Variants in BMPR1B observed in about 807,000 individuals in gnomAD.
BMPR1B encodes the protein bone morphogenetic protein receptor type-1B.
A neutral mutation model predicts 59.1 loss-of-function variants in BMPR1B; 12 were observed. The observed-to-expected ratio is 0.20, with a 90% CI of 0.13 to 0.33. The LOEUF (loss-of-function observed/expected upper bound fraction) is 0.33, where lower values mean the gene tolerates loss of function less well. Among genes scored for constraint, BMPR1B ranks in the 10% least tolerant of loss-of-function variants. The pLI, the probability that BMPR1B is intolerant of heterozygous loss-of-function variation, is 1.00. For synonymous variants in BMPR1B, 237 were observed against 207.3 expected (o/e 1.14, Z -1.23); for missense variants, 550 against 610.9 (o/e 0.90, Z 1.05).
intron 4 of BMPR1B, among the ~76,000 whole-genome samples, chr4:95,113,562 C>T (rs754735093): frequency 6.6e-6 from 1 of 152,096 alleles, no homozygotes; most frequent in Non-Finnish European, 1.5e-5. Context: ...GGACGCTGAG[C>T]ATGCATATAT....
At chr4:95,025,815 T>A (rs1724314176) in intron 3 of BMPR1B, among the ~76,000 whole-genome samples, 1 of 152,234 alleles carries the variant, frequency 6.6e-6, no homozygotes, top group Non-Finnish European at 1.5e-5. Context: ...AATGGTTTTT[T>A]AATATCTGTT....
intron 2 of BMPR1B, among the ~76,000 whole-genome samples, chr4:94,901,771 C>G (rs570589198): frequency 6.6e-6 from 1 of 152,012 alleles, no homozygotes; most frequent in Non-Finnish European, 1.5e-5. Context: ...CGACAGTTCC[C>G]TGTAAAGCAG....
intron 2 of BMPR1B, among the ~76,000 whole-genome samples, chr4:94,968,947 A>T (rs1266396533): frequency 2.0e-5 from 3 of 152,038 alleles, no homozygotes; most frequent in Non-Finnish European, 4.4e-5. Context: ...TTTTCTATTC[A>T]CAATTCCCAG....
chr4:94,933,288 G>A (rs1729164696), intron 2 of BMPR1B, among the ~76,000 whole-genome samples: 1 of 151,796 alleles, frequency 6.6e-6, no homozygotes, highest in Non-Finnish European at 1.5e-5. Flanking sequence ...TTATATCATA[G>A]TTTATTTAAC....
intron 3 of BMPR1B, among the ~76,000 whole-genome samples, chr4:95,017,206 T>C (rs925445280): frequency 6.6e-6 from 1 of 152,194 alleles, no homozygotes; most frequent in Non-Finnish European, 1.5e-5. Context: ...TGCAAGCAGC[T>C]CTCTTTCCTG....
chr4:94,979,135 G>A (rs988392724), intron 2 of BMPR1B, among the ~76,000 whole-genome samples: 4 of 151,978 alleles, frequency 2.6e-5, no homozygotes, highest in African/African-American at 4.8e-5. Context: ...TACCTCCCAC[G>A]GGGTCCCTTC....
intron 1 of BMPR1B, among the ~76,000 whole-genome samples, chr4:94,766,909 G>C (rs1464568221): frequency 6.6e-6 from 1 of 152,062 alleles, no homozygotes; most frequent in Non-Finnish European, 1.5e-5. Context: ...TCTGTGGCCA[G>C]AGACAATATG....
chr4:94,835,187 A>G (rs1332615790), intron 1 of BMPR1B, among the ~76,000 whole-genome samples: 1 of 151,990 alleles, frequency 6.6e-6, no homozygotes, highest in Non-Finnish European at 1.5e-5. Context: ...AAATAAATTA[A>G]TATTTACTGA....
At position 94,853,776 on chromosome 4, in the gene BMPR1B, C is replaced by T. The variant is rs369719120; in HGVS notation, c.-182-22055C>T. Among the ~76,000 whole-genome samples, 28 of 152,152 alleles carry T rather than the reference C, an allele frequency of 1.8e-4. No individual in the cohort carries two copies. In the South Asian group the frequency reaches 4.4e-3, roughly 24 times the overall value. On this transcript the variant is annotated intron_variant, in intron 1 of 12. Coordinates refer to ENST00000515059, the MANE Select transcript of BMPR1B (RefSeq NM_001203.3). ...ATTTCTCCAAATCACTGCAAAAGCA[C>T]TAAACCTGAAGATTGAATTCTGTAT...
In BMPR1B at chr4:94,760,108, T is replaced by C. The variant is rs536138372; in HGVS notation, c.-183+2040T>C. Among the ~76,000 whole-genome samples the C allele has an allele frequency of 3.9e-4, 60 of 152,346 alleles. 1 individual carries two copies. Among genetic ancestry groups the C allele is most frequent in the African/African-American group, 9.6e-4 (40 of 41,582 alleles). ...GGCCGCTGATGAATTTTAATGGCAC[T>C]GATTTGTGTTTTTAAATCAAAATGT... On this transcript the variant is annotated intron_variant, in intron 1 of 12. Transcript: ENST00000515059.
intron 1 of BMPR1B, among the ~76,000 whole-genome samples, chr4:94,853,799 T>A (rs1238723247): frequency 2.0e-5 from 3 of 152,138 alleles, no homozygotes; most frequent in Admixed American, 2.0e-4. Flanking sequence ...TTGAATTCTG[T>A]ATGAATTCAA....
intron 2 of BMPR1B, among the ~76,000 whole-genome samples, chr4:94,876,436 T>C (rs567401737): frequency 6.6e-6 from 1 of 152,314 alleles, no homozygotes; most frequent in African/African-American, 2.4e-5. Flanking sequence ...GGAGACTCTT[T>C]TCTAAGCATT....
At chr4:94,860,828 T>A (rs145210598) in intron 1 of BMPR1B, among the ~76,000 whole-genome samples, 9,298 of 150,694 alleles carry the variant, frequency 0.062, 707 homozygotes, top group African/African-American at 0.19. Context: ...GTCTTTTATA[T>A]GTTGGCTTTT....
At chr4:95,013,972 T>C (rs1242381312) in intron 3 of BMPR1B, among the ~76,000 whole-genome samples, 8 of 152,176 alleles carry the variant, frequency 5.3e-5, no homozygotes, top group African/African-American at 1.9e-4. Context: ...ATTTGCTTAG[T>C]AGTGGTTTCT....
intron 2 of BMPR1B, among the ~76,000 whole-genome samples, chr4:94,925,572 G>A (rs750909351): frequency 2.6e-5 from 4 of 152,092 alleles, no homozygotes; most frequent in Non-Finnish European, 4.4e-5. Flanking sequence ...GAATTTCACA[G>A]ATGAGCCCAA....
intron 2 of BMPR1B, among the ~76,000 whole-genome samples, chr4:94,908,061 T>TTAAAAA (rs1728115989): frequency 2.2e-5 from 1 of 46,254 alleles, no homozygotes; most frequent in African/African-American, 7.2e-5. Context: ...ACCCTGTCTT[T>TTAAAAA]AAAAAAAAAA....
At chr4:94,881,839 C>G (rs1411630351) in intron 2 of BMPR1B, among the ~76,000 whole-genome samples, 1 of 152,122 alleles carries the variant, frequency 6.6e-6, no homozygotes. Flanking sequence ...CATCTGATGG[C>G]TAAGCTGCCT....
intron 2 of BMPR1B, among the ~76,000 whole-genome samples, chr4:94,973,034 G>A (rs1486370171): frequency 1.3e-5 from 2 of 152,096 alleles, no homozygotes; most frequent in Non-Finnish European, 2.9e-5. Context: ...GGAGGGAGCA[G>A]GTAGGCAAGC....
chr4:94,931,761 A>T (rs1252937672), intron 2 of BMPR1B, among the ~76,000 whole-genome samples: 1 of 152,086 alleles, frequency 6.6e-6, no homozygotes, highest in Admixed American at 6.6e-5. Context: ...ACAGCAAGGG[A>T]GGGCTGCATG....
Sources: allele counts gnomAD v4.1 joint callset (sites outside exome capture counted in the v4.1 genomes callset), GRCh38; gene constraint gnomAD v4.1.1; transcripts MANE v1.5; gene names NCBI Gene and HGNC (gene_info 2026-07-23, HGNC 2026-07-21).